Variants in METTL21C observed in about 807,000 individuals in gnomAD.
The protein encoded by METTL21C is protein-lysine methyltransferase METTL21C.
Under a neutral mutation model 25.9 loss-of-function variants are expected in METTL21C, and 21 were observed. That is an observed-to-expected ratio of 0.81 (90% CI 0.58 to 1.17). METTL21C has a LOEUF of 1.17. Among genes scored for constraint, METTL21C ranks in the 50% most tolerant of loss-of-function variants. The pLI is 0.00. For synonymous variants in METTL21C, 125 were observed against 124.7 expected, an observed-to-expected ratio of 1.00 and a Z score of -0.01; for missense variants, 312 against 315.1, an observed-to-expected ratio of 0.99 and a Z score of 0.07.
chr13:102,697,852 A>T (rs571776089), upstream of METTL21C, among the ~76,000 whole-genome samples: 8 of 152,234 alleles, frequency 5.3e-5, no homozygotes, highest in Admixed American at 3.9e-4. Context: ...CAACAGGAGC[A>T]GGCGACCAGA....
intron 1 of METTL21C, among the ~76,000 whole-genome samples, chr13:102,691,171 A>G (rs1885822233): frequency 6.6e-6 from 1 of 152,212 alleles, no homozygotes; most frequent in East Asian, 1.9e-4. Context: ...TGACAGTTTT[A>G]TCAGATGACA....
At chr13:102,689,757 G>T (rs1885779218) in intron 2 of METTL21C, among the ~76,000 whole-genome samples, 1 of 152,212 alleles carries the variant, frequency 6.6e-6, no homozygotes, top group African/African-American at 2.4e-5. Context: ...CAGCAGACTG[G>T]CCTGCGTTCC....
At chr13:102,697,643 C>T (rs1204151110), upstream of METTL21C, among the ~76,000 whole-genome samples, 3 of 152,136 alleles carry the variant, frequency 2.0e-5, no homozygotes, top group African/African-American at 7.2e-5. Flanking sequence ...GGGATTAACA[C>T]AGGACCAACC....
upstream of METTL21C, among the ~76,000 whole-genome samples, chr13:102,695,644 T>C (rs545796370): frequency 1.2e-4 from 18 of 152,358 alleles, no homozygotes; most frequent in African/African-American, 4.1e-4. Context: ...CAGTTTCTTT[T>C]CACTCAGGAT....
At chr13:102,690,780 A>G in intron 2 of METTL21C, 33 bp downstream of exon 2, 1 of 1,606,998 alleles carries the variant, frequency 6.2e-7, no homozygotes, top group Non-Finnish European at 8.5e-7. Context: ...ATCTCCAGAA[A>G]TCCTGACATC....
intron 2 of METTL21C, 138 bp downstream of exon 2, chr13:102,690,675 C>T (rs969306203): frequency 3.3e-6 from 3 of 921,172 alleles, no homozygotes; most frequent in Admixed American, 6.2e-5. Context: ...CCACCAACAC[C>T]CTCCAGGGGG....
the METTL21C span, among the ~76,000 whole-genome samples, chr13:102,704,166 G>A: frequency 1.1e-4 from 17 of 152,230 alleles, no homozygotes; most frequent in Non-Finnish European, 2.4e-4. Flanking sequence ...AATTTTTAAC[G>A]TCAGAGCGCT....
chr13:102,689,370 T>C (rs1015475734), intron 2 of METTL21C, among the ~76,000 whole-genome samples: 5 of 152,212 alleles, frequency 3.3e-5, no homozygotes, highest in Non-Finnish European at 7.3e-5. Context: ...TTGAAGGAAA[T>C]TATATGCATA....
intron 2 of METTL21C, among the ~76,000 whole-genome samples, chr13:102,687,561 G>A (rs7329241): frequency 0.043 from 6,479 of 152,266 alleles, 196 homozygotes; most frequent in Non-Finnish European, 0.058. Flanking sequence ...CGTATTGAGC[G>A]ACGGGTTAGT....
upstream of METTL21C, among the ~76,000 whole-genome samples, chr13:102,695,839 A>C (rs758764836): frequency 1.1e-4 from 16 of 152,234 alleles, no homozygotes; most frequent in Non-Finnish European, 1.8e-4. Context: ...ATCAGTCCCT[A>C]TGAGAAATAG....
At chr13:102,697,234 G>A (rs900701647), upstream of METTL21C, among the ~76,000 whole-genome samples, 8 of 152,248 alleles carry the variant, frequency 5.3e-5, no homozygotes, top group African/African-American at 1.9e-4. Flanking sequence ...GATGGGCACT[G>A]CCTTTTTTCC....
chr13:102,699,202 G>C (rs661614), upstream of METTL21C, among the ~76,000 whole-genome samples: 92,648 of 152,004 alleles, frequency 0.61, 28,796 homozygotes, highest in East Asian at 0.88. Flanking sequence ...TTCCTTATTT[G>C]CATAAATACA....
intron 2 of METTL21C, among the ~76,000 whole-genome samples, chr13:102,687,672 C>G (rs1885711821): frequency 6.6e-6 from 1 of 152,182 alleles, no homozygotes; most frequent in Non-Finnish European, 1.5e-5. Context: ...GTTAAAGATG[C>G]AGATCCTCAT....
At position 102,686,372 on chromosome 13, in the gene METTL21C, T is replaced by A; in HGVS notation, c.454A>T (p.Asn152Tyr). The A allele has an allele frequency of 6.2e-7, 1 of 1,614,094 alleles. No homozygotes were observed. The highest frequency in any genetic ancestry group is 8.5e-7 in the Non-Finnish European group (1 of 1,179,998). The change falls in exon 4 of 4, where the codon AAT (asparagine) becomes TAT (tyrosine). Residue 152 changes from asparagine to tyrosine, a missense_variant. Transcript: ENST00000267273. ...CATTGTAGTGTGTTTTTTAAAAGAT[T>A]GTATTGAAGGTTTCCCAGGACATCA... ...LPDVLGNLQY[N>Y]LLKNTLQCTA...
At chr13:102,702,000 C>T in the METTL21C span, among the ~76,000 whole-genome samples, 1 of 151,898 alleles carries the variant, frequency 6.6e-6, no homozygotes. Context: ...CTCGTCTCTA[C>T]TAACAATACA....
chr13:102,686,347 C>A lies in METTL21C; in HGVS notation c.479G>T (p.Cys160Phe), dbSNP rs762391332. 8 of 1,614,182 alleles carry A rather than the reference C, an allele frequency of 5.0e-6. No homozygotes were observed. The South Asian group carries it at 8.8e-5, about 18-fold the overall frequency. The change falls in exon 4 of 4, where the codon TGT becomes TTT. Residue 160 changes from cysteine to phenylalanine, a missense_variant. Transcript: ENST00000267273. The stretch of plus-strand genomic sequence containing the variant: ...TTTCACTTCAGGCAGATGTGCTGTA[C>A]ATTGTAGTGTGTTTTTTAAAAGATT... ...QYNLLKNTLQ[C>F]TAHLPEVKEL... is the part of the protein sequence containing the mutation.
chr13:102,697,208 C>T (rs554043943), upstream of METTL21C, among the ~76,000 whole-genome samples: 2 of 152,238 alleles, frequency 1.3e-5, no homozygotes, highest in African/African-American at 2.4e-5. Flanking sequence ...TGCTGTCACT[C>T]GCCTCTCTCT....
chr13:102,697,344 G>A (rs930727001), upstream of METTL21C, among the ~76,000 whole-genome samples: 1 of 151,884 alleles, frequency 6.6e-6, no homozygotes, highest in Non-Finnish European at 1.5e-5. Flanking sequence ...ATTAGTTATC[G>A]CAATAGGGGG....
chr13:102,691,634 C>A (rs570897147), intron 1 of METTL21C, among the ~76,000 whole-genome samples: 1 of 152,360 alleles, frequency 6.6e-6, no homozygotes, highest in South Asian at 2.1e-4. Context: ...AGGCGTGAGC[C>A]ACCACGCCCC....
Sources: allele counts gnomAD v4.1 joint callset (sites outside exome capture counted in the v4.1 genomes callset), GRCh38; gene constraint gnomAD v4.1.1; transcripts MANE v1.5; gene names NCBI Gene and HGNC (gene_info 2026-07-23, HGNC 2026-07-21).